The following GRM8 variants were observed in gnomAD, a reference collection of about 807,000 sequenced individuals.
GRM8 encodes the protein metabotropic glutamate receptor 8.
GRM8 carries 47 observed loss-of-function variants against 87.2 expected under a neutral mutation model. That is an observed-to-expected ratio of 0.54 (90% CI 0.43 to 0.69). GRM8 has a LOEUF of 0.69. GRM8 is among the 30% of genes least tolerant of loss of function. The probability of loss-of-function intolerance (pLI) is 0.00; values close to 1 mark genes in which losing one functional copy is unlikely to be tolerated. For missense variants in GRM8, 1,019 were observed against 1,139.2 expected (o/e 0.89, Z 1.52); for synonymous variants, 396 against 404.5 (o/e 0.98, Z 0.25).
chr7:126,738,398 AGATATTTCATT>A (rs1215588037), intron 7 of GRM8, among the ~76,000 whole-genome samples: 1 of 152,136 alleles, frequency 6.6e-6, no homozygotes, highest in Non-Finnish European at 1.5e-5. Context: ...CAGGTTTGCA[AGATATTTCATT>A]ACCGGTGAAA....
chr7:126,581,422 G>A (rs1795594824), intron 8 of GRM8, among the ~76,000 whole-genome samples: 1 of 152,108 alleles, frequency 6.6e-6, no homozygotes, highest in Non-Finnish European at 1.5e-5. Flanking sequence ...CAGGAGGAAA[G>A]CTTAACGTAC....
chr7:126,579,461 AT>A (rs1795407573), intron 8 of GRM8, among the ~76,000 whole-genome samples: 1 of 152,208 alleles, frequency 6.6e-6, no homozygotes, highest in African/African-American at 2.4e-5. Context: ...ATGAGGAAAG[AT>A]TTCAGTGCAG....
At chr7:127,020,931 G>C (rs143386977) in intron 3 of GRM8, among the ~76,000 whole-genome samples, 3 of 151,964 alleles carry the variant, frequency 2.0e-5, no homozygotes, top group Admixed American at 2.0e-4. Flanking sequence ...ATTCCACAGA[G>C]CTTCCCTTAG....
At chr7:126,620,626 A>G (rs1800047471) in intron 7 of GRM8, among the ~76,000 whole-genome samples, 1 of 152,104 alleles carries the variant, frequency 6.6e-6, no homozygotes, top group East Asian at 1.9e-4. Flanking sequence ...GATCTGAGTA[A>G]GTTACCCTCC....
chr7:126,565,958 A>G (rs1005557307), intron 8 of GRM8, among the ~76,000 whole-genome samples: 1 of 152,174 alleles, frequency 6.6e-6, no homozygotes, highest in Non-Finnish European at 1.5e-5. Flanking sequence ...TTCAACAAAT[A>G]GTGTTGGGAA....
chr7:126,461,596 T>C (rs1248098011), intron 9 of GRM8, among the ~76,000 whole-genome samples: 2 of 151,646 alleles, frequency 1.3e-5, no homozygotes, highest in African/African-American at 4.8e-5. Context: ...TATCCTGCCT[T>C]TGAAACTGTC....
intron 6 of GRM8, among the ~76,000 whole-genome samples, 164 bp from the exon 7 acceptor site, chr7:126,770,229 T>C (rs184732055): frequency 3.6e-3 from 553 of 152,258 alleles, no homozygotes; most frequent in Middle Eastern, 0.01. Flanking sequence ...TTAAACTGGA[T>C]ATTAAGTTTA....
chr7:127,203,575 G>A (rs957874912), intron 2 of GRM8, among the ~76,000 whole-genome samples: 2 of 152,152 alleles, frequency 1.3e-5, no homozygotes, highest in Non-Finnish European at 1.5e-5. Flanking sequence ...AGGGATGGTG[G>A]TACGACCCTG....
At chr7:126,538,001 C>A (rs1357761701) in intron 8 of GRM8, among the ~76,000 whole-genome samples, 2 of 152,122 alleles carry the variant, frequency 1.3e-5, no homozygotes, top group Non-Finnish European at 2.9e-5. Context: ...AAGACGTTTT[C>A]AGTCTGAAAT....
At chr7:126,527,520 C>T (rs1257584830) in intron 9 of GRM8, among the ~76,000 whole-genome samples, 1 of 152,194 alleles carries the variant, frequency 6.6e-6, no homozygotes, top group African/African-American at 2.4e-5. Flanking sequence ...AGACAAGGTA[C>T]AGCTGAAAAT....
At chr7:126,609,209 T>C (rs936256436) in intron 8 of GRM8, among the ~76,000 whole-genome samples, 153 bp downstream of exon 8, 6 of 152,214 alleles carry the variant, frequency 3.9e-5, no homozygotes, top group African/African-American at 1.2e-4. Context: ...AGAATGTCCA[T>C]AACATTTTTA....
intron 2 of GRM8, among the ~76,000 whole-genome samples, chr7:127,115,143 C>A (rs1001905394): frequency 3.3e-5 from 5 of 152,156 alleles, no homozygotes; most frequent in Non-Finnish European, 7.3e-5. Flanking sequence ...CCTGCTGGGT[C>A]TCCCTCTGAC....
chr7:126,719,773 G>A (rs897631430), intron 7 of GRM8, among the ~76,000 whole-genome samples: 1 of 148,162 alleles, frequency 6.7e-6, no homozygotes, highest in Non-Finnish European at 1.5e-5. Context: ...CAAATAGACA[G>A]AGACTTGAAG....
At chr7:126,542,576 C>A (rs1009383506) in intron 8 of GRM8, among the ~76,000 whole-genome samples, 1 of 152,102 alleles carries the variant, frequency 6.6e-6, no homozygotes, top group East Asian at 1.9e-4. Context: ...TTGGATGAAT[C>A]CTATAAGCAA....
intron 8 of GRM8, among the ~76,000 whole-genome samples, chr7:126,603,830 A>G (rs1743695552): frequency 6.6e-6 from 1 of 152,168 alleles, no homozygotes; most frequent in South Asian, 2.1e-4. Flanking sequence ...AGAGGCAAAC[A>G]GAAAATGCAT....
chr7:126,792,715 G>A (rs1253491670), intron 6 of GRM8, among the ~76,000 whole-genome samples: 3 of 151,894 alleles, frequency 2.0e-5, no homozygotes, highest in Non-Finnish European at 4.4e-5. Context: ...GTTACGGGGT[G>A]CTTTTTTTCC....
chr7:127,036,548 G>A lies in GRM8; in HGVS notation c.727+69948C>T, dbSNP rs774390763. On this transcript the variant is annotated intron_variant, in intron 3 of 10. Transcript: ENST00000339582. Reference sequence around the variant, plus strand: ...CAAAACTTTAATGCCCATTTTGCAAGGAAGAGCAGCAGATCCCCACCCTGG... The same window carrying A: ...CAAAACTTTAATGCCCATTTTGCAAAGAAGAGCAGCAGATCCCCACCCTGG... Among the ~76,000 whole-genome samples the A allele has an allele frequency of 2.6e-4, 39 of 152,284 alleles. No individual in the cohort carries two copies. In the Middle Eastern group the frequency reaches 0.014, roughly 53 times the overall value.
intron 9 of GRM8, among the ~76,000 whole-genome samples, chr7:126,523,604 T>C (rs1813351418): frequency 6.6e-6 from 1 of 152,024 alleles, no homozygotes; most frequent in African/African-American, 2.4e-5. Context: ...TTCAAGTTAT[T>C]CTCCTGCCTC....
chr7:126,736,175 C>T (rs1585719319), intron 7 of GRM8, among the ~76,000 whole-genome samples: 1 of 152,146 alleles, frequency 6.6e-6, no homozygotes, highest in East Asian at 1.9e-4. Flanking sequence ...CCAGGAAATC[C>T]TCCGACAGAA....
Sources: gnomAD v4.1 joint callset for allele counts (sites outside exome capture counted in the v4.1 genomes callset) on GRCh38, gnomAD v4.1.1 for gene constraint, MANE v1.5 for transcripts, NCBI Gene and HGNC (gene_info 2026-07-23, HGNC 2026-07-21) for gene names.